DDX6: variants seen among roughly 807,000 people sequenced by gnomAD.
The protein encoded by DDX6 is probable ATP-dependent RNA helicase DDX6.
Under a neutral mutation model 60.6 loss-of-function variants are expected in DDX6, and 7 were observed. The ratio of observed to expected loss-of-function variants is 0.12; its 90% confidence interval spans 0.07 to 0.22. DDX6 has a LOEUF of 0.22. Ranked by LOEUF, DDX6 falls within the 10% of genes least tolerant of loss-of-function variation. The pLI is 1.00. For missense variants in DDX6, 270 were observed against 589.9 expected (o/e 0.46, Z 5.62); for synonymous variants, 207 against 201.0 (o/e 1.03, Z -0.25).
intron 4 of DDX6, among the ~76,000 whole-genome samples, chr11:118,777,456 G>T (rs1861738658): frequency 6.6e-6 from 1 of 152,096 alleles, no homozygotes; most frequent in South Asian, 2.1e-4. Context: ...TCCACTGAAA[G>T]GACCAAGTAG....
chr11:118,748,440 A>G lies in DDX6; in HGVS notation c.*3665T>C, dbSNP rs1182262644. ...AACTACAATCTCACAGAAGTCCACT[A>G]AAGTTCACCAAAAAGCTGACTTACT... is the stretch of plus-strand genomic sequence containing the variant. On this transcript the variant is annotated 3_prime_UTR_variant, in exon 14 of 14. Coordinates refer to ENST00000534980, the MANE Select transcript of DDX6 (RefSeq NM_004397.6). 2.6e-5 allele frequency: 4 copies of G among 152,214 alleles called. No individual in the cohort carries two copies. The highest frequency in any genetic ancestry group is 5.9e-5 in the Non-Finnish European group (4 of 68,040). The allele number at this position is 152,214 out of a possible 1,614,324, so 9.4% of individuals were successfully genotyped here. A position where few individuals can be genotyped will look rare whatever the true frequency, so the allele number is the denominator to read the frequency against.
chr11:118,751,845 A>G lies in DDX6; in HGVS notation c.*260T>C. 2 of 427,738 alleles carry G rather than the reference A, an allele frequency of 4.7e-6. No homozygotes were observed. The allele number at this position is 427,738 out of a possible 1,614,324, so 26.5% of individuals were successfully genotyped here. A position where few individuals can be genotyped will look rare whatever the true frequency, so the allele number is the denominator to read the frequency against. On this transcript the variant is annotated 3_prime_UTR_variant, in exon 14 of 14. Transcript: ENST00000534980. ...TTCCTTCCTTGTCCCCTTTCCCCAGAAAACATTTTTTAAAAACCAGCAGTT... is the reference window on the plus strand; with the variant it reads ...TTCCTTCCTTGTCCCCTTTCCCCAGGAAACATTTTTTAAAAACCAGCAGTT...
chr11:118,753,589 C>T lies in DDX6; in HGVS notation c.*7+1116G>A, dbSNP rs1029896239. Among the ~76,000 whole-genome samples, 4 of 152,048 alleles carry T rather than the reference C, an allele frequency of 2.6e-5. No homozygotes were observed. In the East Asian group the frequency reaches 5.8e-4, roughly 22 times the overall value. On this transcript the variant is annotated intron_variant, in intron 13 of 13. Transcript: ENST00000534980. ...TCTTGACCTCGTGATCCGCCCACCT[C>T]GGCCTCCCAAAGTACTGGGATTACA...
chr11:118,775,486 T>A (rs1458872446), intron 4 of DDX6, among the ~76,000 whole-genome samples: 2 of 152,042 alleles, frequency 1.3e-5, no homozygotes, highest in African/African-American at 4.8e-5. Flanking sequence ...AAACACATAA[T>A]CTTGTGCTTT....
intron 13 of DDX6, 67 bp downstream of exon 13, chr11:118,754,638 C>T (rs1860901939): frequency 1.4e-6 from 2 of 1,436,848 alleles, no homozygotes; most frequent in Non-Finnish European, 9.4e-7. Flanking sequence ...TCAAATTTCC[C>T]CCAGGAAAGA....
At chr11:118,779,410 CTG>C (rs1427403719) in intron 4 of DDX6, among the ~76,000 whole-genome samples, 1 of 152,100 alleles carries the variant, frequency 6.6e-6, no homozygotes, top group Non-Finnish European at 1.5e-5. Context: ...CTGAAGGTAA[CTG>C]TACTGTGGTT....
intron 2 of DDX6, 46 bp downstream of exon 2, chr11:118,786,006 C>G (rs776706513): frequency 6.4e-7 from 1 of 1,560,224 alleles, no homozygotes; most frequent in Non-Finnish European, 8.7e-7. Flanking sequence ...TAACACAAAT[C>G]TTGGTTCCCC....
At chr11:118,757,353 G>A (rs1444181920) in intron 9 of DDX6, 66 bp from the exon 10 acceptor site, 1 of 798,468 alleles carries the variant, frequency 1.3e-6, no homozygotes, top group African/African-American at 1.8e-5. Flanking sequence ...GCCAAATCTT[G>A]AAAACACGAA....
chr11:118,762,011 A>G (rs1206533782), intron 7 of DDX6, among the ~76,000 whole-genome samples: 1 of 152,142 alleles, frequency 6.6e-6, no homozygotes, highest in Non-Finnish European at 1.5e-5. Flanking sequence ...GTGGTGGCTC[A>G]TGCCTGTAAT....
intron 11 of DDX6, 109 bp downstream of exon 11, chr11:118,756,151 G>T: frequency 1.3e-6 from 1 of 760,572 alleles, no homozygotes; most frequent in Non-Finnish European, 2.2e-6. Flanking sequence ...AGAAGTAGTG[G>T]TAGGGTGTGT....
At chr11:118,764,904 A>C (rs1591899273) in intron 6 of DDX6, among the ~76,000 whole-genome samples, 1 of 152,018 alleles carries the variant, frequency 6.6e-6, no homozygotes, top group Non-Finnish European at 1.5e-5. Context: ...GTAAGTTTAC[A>C]CCCCCACATT....
Position 118,754,698 on chromosome 11 carries a change from G to GACGT in DDX6, c.*7+3_*7+6dup. On this transcript the variant is annotated splice_region_variant and intron_variant, in intron 13 of 13. Transcript: ENST00000534980. ...GGTTCCTCTTAGCTGTTCTGTCAGG[G>GACGT]ACGTACATGCTTGTTAAGGTTTCTC... 1 of 1,594,962 alleles carries GACGT rather than the reference G, an allele frequency of 6.3e-7. No individual in the cohort carries two copies. Among genetic ancestry groups the GACGT allele is most frequent in the Admixed American group, 1.8e-5 (1 of 54,542 alleles).
intron 4 of DDX6, among the ~76,000 whole-genome samples, chr11:118,770,414 AAAACAAAC>A (rs554953390): frequency 4.6e-5 from 7 of 152,196 alleles, no homozygotes; most frequent in Non-Finnish European, 4.4e-5. Context: ...GCTAACGACA[AAAACAAAC>A]AAACAAACAA....
chr11:118,753,161 T>C (rs1860837651), intron 13 of DDX6, among the ~76,000 whole-genome samples: 1 of 152,066 alleles, frequency 6.6e-6, no homozygotes, highest in Non-Finnish European at 1.5e-5. Flanking sequence ...CCTGACTAGC[T>C]GGGATTACAG....
chr11:118,778,754 A>C (rs569219899), intron 4 of DDX6, among the ~76,000 whole-genome samples: 2 of 152,292 alleles, frequency 1.3e-5, no homozygotes, highest in East Asian at 3.9e-4. Context: ...AATGGACACT[A>C]GGCACACCTT....
intron 4 of DDX6, among the ~76,000 whole-genome samples, chr11:118,775,768 T>C (rs1300152930): frequency 2.0e-5 from 3 of 152,084 alleles, no homozygotes; most frequent in Non-Finnish European, 4.4e-5. Flanking sequence ...ACACTCAGAG[T>C]ACAAGTAACA....
At chr11:118,759,776 T>C in intron 8 of DDX6, 146 bp downstream of exon 8, 2 of 860,862 alleles carry the variant, frequency 2.3e-6, no homozygotes, top group Non-Finnish European at 3.3e-6. Context: ...GTAAAACAAA[T>C]CTTTAATTGA....
intron 4 of DDX6, 49 bp downstream of exon 4, chr11:118,779,583 T>C: frequency 1.6e-6 from 2 of 1,262,328 alleles, no homozygotes; most frequent in Non-Finnish European, 2.2e-6. Context: ...GAAAACTGTT[T>C]AATGGTTGAC....
Position 118,768,287 on chromosome 11 carries a change from G to T in DDX6, c.435C>A (p.Gly145=), listed in dbSNP as rs1565569436. ...DILARAKNGT[G]KSGAYLIPLL... Reference sequence around the variant, plus strand: ...AGGGAATGAGGTAGGCACCGCTCTTGCCTGTTCCATTTTTTGCTCTAGCTA... The same window carrying T: ...AGGGAATGAGGTAGGCACCGCTCTTTCCTGTTCCATTTTTTGCTCTAGCTA... Residue 145 remains glycine, a synonymous_variant, in exon 5 of 14, where the codon GGC becomes GGA. Transcript: ENST00000534980. 5.0e-6 allele frequency: 8 copies of T among 1,613,488 alleles called. No homozygotes were observed. The highest frequency in any genetic ancestry group is 6.8e-6 in the Non-Finnish European group (8 of 1,179,810).
Sources: allele counts gnomAD v4.1 joint callset (sites outside exome capture counted in the v4.1 genomes callset), GRCh38; gene constraint gnomAD v4.1.1; transcripts MANE v1.5; gene names NCBI Gene and HGNC (gene_info 2026-07-23, HGNC 2026-07-21).